TPMT: variants seen among roughly 807,000 people sequenced by gnomAD.
TPMT encodes the protein thiopurine S-methyltransferase.
A neutral mutation model predicts 34.2 loss-of-function variants in TPMT; 18 were observed. The observed-to-expected ratio is 0.53, with a 90% CI of 0.36 to 0.78. The LOEUF (loss-of-function observed/expected upper bound fraction) is 0.78, where lower values mean the gene tolerates loss of function less well. Among genes scored for constraint, TPMT ranks in the 30% least tolerant of loss-of-function variants. TPMT has a pLI of 0.00. For missense variants in TPMT, 265 were observed against 288.1 expected (o/e 0.92, Z 0.58); for synonymous variants, 69 against 92.4 (o/e 0.75, Z 1.45).
At chr6:18,155,136 C>T (rs1784472987), upstream of TPMT, 1 of 8,296 alleles carries the variant, frequency 1.2e-4, no homozygotes, top group Non-Finnish European at 3.8e-4. The surrounding 1 kb of genome is among the most constrained non-coding windows in gnomAD (Gnocchi z 6.2). Flanking sequence ...CGCCCCGCCT[C>T]CGCCCGCGCC....
rs1783920415 is a variant in TPMT, at chr6:18,130,496, A to G, written c.*172T>C. On this transcript the variant is annotated 3_prime_UTR_variant, in exon 9 of 9. Coordinates refer to ENST00000309983, the MANE Select transcript of TPMT (RefSeq NM_000367.5). This position sits in a 1 kb window ranked among gnomAD's most constrained non-coding sequence, Gnocchi z 4.2. Reference sequence around the variant, plus strand: ...AAGTTTAGTTACATCTTTTTCTTCTAAAACTTTTTTAGAAAAAGTAAATGG... The same window carrying G: ...AAGTTTAGTTACATCTTTTTCTTCTGAAACTTTTTTAGAAAAAGTAAATGG... The G allele has an allele frequency of 1.7e-6, 1 of 573,220 alleles. No individual in the cohort carries two copies. The highest frequency in any genetic ancestry group is 1.9e-5 in the African/African-American group (1 of 53,058). 35.5% of individuals were successfully genotyped at this position (573,220 alleles called of 1,614,324 possible). A position where few individuals can be genotyped will look rare whatever the true frequency, so the allele number is the denominator to read the frequency against.
Position 18,153,848 on chromosome 6 carries a change from C to T in TPMT, c.-45+1185G>A, listed in dbSNP as rs755864288. On this transcript the variant is annotated intron_variant, in intron 1 of 8. Transcript: ENST00000309983. This position sits in a 1 kb window ranked among gnomAD's most constrained non-coding sequence, Gnocchi z 4.2. Reference sequence around the variant, plus strand: ...ATCTTTATCAGAGTTCCACAGCAGCCTGGAGTAGCACAACTCTATTCCTTT... The same window carrying T: ...ATCTTTATCAGAGTTCCACAGCAGCTTGGAGTAGCACAACTCTATTCCTTT... Among the ~76,000 whole-genome samples, 8 of 152,220 alleles carry T rather than the reference C, an allele frequency of 5.3e-5. No homozygotes were observed. The highest frequency in any genetic ancestry group is 1.2e-4 in the Non-Finnish European group (8 of 68,044).
intron 6 of TPMT, among the ~76,000 whole-genome samples, chr6:18,137,023 G>A (rs1784053845): frequency 6.6e-6 from 1 of 152,096 alleles, no homozygotes; most frequent in Non-Finnish European, 1.5e-5. Context: ...AAATTAAGAT[G>A]CGGCATGGTC....
intron 4 of TPMT, among the ~76,000 whole-genome samples, chr6:18,142,284 C>T (rs1056923506): frequency 2.6e-5 from 4 of 151,968 alleles, no homozygotes; most frequent in Non-Finnish European, 4.4e-5. Flanking sequence ...CACAAGACGA[C>T]GAACCTGGGG....
In TPMT at chr6:18,130,724, T is replaced by A. The variant is rs1783924679; in HGVS notation, c.682A>T (p.Lys228Ter). Reference sequence around the variant, plus strand: ...AAAAGACAGTCAATTCCCCAACTTTTATGTCGTTCTTCAAAAGCATCAACC... The same window carrying A: ...AAAAGACAGTCAATTCCCCAACTTTAATGTCGTTCTTCAAAAGCATCAACC... ...EKVDAFEERH[K>*]SWGIDCLFEK... The change falls in exon 9 of 9, where the codon AAA becomes TAA. Residue 228 changes from lysine (K) to a stop codon, truncating the protein, a stop_gained. Coordinates refer to ENST00000309983, the MANE Select transcript of TPMT (RefSeq NM_000367.5). LOFTEE classifies it high-confidence loss of function. This position sits in a 1 kb window ranked among gnomAD's most constrained non-coding sequence, Gnocchi z 4.2. 4 of 1,613,522 alleles carry A rather than the reference T, an allele frequency of 2.5e-6. No homozygotes were observed. In the East Asian group the frequency reaches 8.9e-5, roughly 36 times the overall value.
chr6:18,133,554 G>C (rs988736211), intron 7 of TPMT, among the ~76,000 whole-genome samples: 1 of 152,078 alleles, frequency 6.6e-6, no homozygotes, highest in Non-Finnish European at 1.5e-5. Flanking sequence ...CCATTTCCCC[G>C]CTCTTCTCTA....
At position 18,140,778 on chromosome 6, in the gene TPMT, T is replaced by G. The variant is rs1312164784; in HGVS notation, c.367-1061A>C. On this transcript the variant is annotated intron_variant, in intron 4 of 8. Transcript: ENST00000309983. This position sits in a 1 kb window ranked among gnomAD's most constrained non-coding sequence, Gnocchi z 4.7. Reference sequence around the variant, plus strand: ...AAAAAAGAGGTGACTTTTGAAAGGGTGACACTCTAGGGTGTGGACTGGGGG... The same window carrying G: ...AAAAAAGAGGTGACTTTTGAAAGGGGGACACTCTAGGGTGTGGACTGGGGG... Among the ~76,000 whole-genome samples the G allele has an allele frequency of 6.6e-6, 1 of 151,866 alleles. No homozygotes were observed. The highest frequency in any genetic ancestry group is 2.4e-5 in the African/African-American group (1 of 41,306).
At chr6:18,151,635 GCT>G (rs1784356908) in intron 1 of TPMT, among the ~76,000 whole-genome samples, 1 of 150,452 alleles carries the variant, frequency 6.6e-6, no homozygotes, top group African/African-American at 2.4e-5. Context: ...GCAGGGTCTC[GCT>G]CTGTCACCCA....
Position 18,150,992 on chromosome 6 carries a change from G to A in TPMT, c.-44-1821C>T, listed in dbSNP as rs1158408867. On this transcript the variant is annotated intron_variant, in intron 1 of 8. Transcript: ENST00000309983. This position sits in a 1 kb window ranked among gnomAD's most constrained non-coding sequence, Gnocchi z 5.3. ...GCTTCCCAAAGTGCTGGGATTCCAGGCGTGGGCCACTGAGCCTGGCCATCC... is the reference window on the plus strand; with the variant it reads ...GCTTCCCAAAGTGCTGGGATTCCAGACGTGGGCCACTGAGCCTGGCCATCC... Among the ~76,000 whole-genome samples the A allele has an allele frequency of 6.6e-6, 1 of 152,180 alleles. No homozygotes were observed. The highest frequency in any genetic ancestry group is 6.5e-5 in the Admixed American group (1 of 15,272).
At chr6:18,133,467 C>T (rs953416445) in intron 7 of TPMT, among the ~76,000 whole-genome samples, 28 of 152,212 alleles carry the variant, frequency 1.8e-4, no homozygotes, top group Admixed American at 1.2e-3. Context: ...TTGGGTGATA[C>T]GGATATGCAA....
rs974182352 is a variant in TPMT, at chr6:18,128,401, C to A, written c.*2267G>T. 2.0e-5 allele frequency: 3 copies of A among 152,190 alleles called. No individual in the cohort carries two copies. Among genetic ancestry groups the A allele is most frequent in the African/African-American group, 4.8e-5 (2 of 41,450 alleles). 9.4% of individuals were successfully genotyped at this position (152,190 alleles called of 1,614,324 possible). A position where few individuals can be genotyped will look rare whatever the true frequency, so the allele number is the denominator to read the frequency against. On this transcript the variant is annotated 3_prime_UTR_variant, in exon 9 of 9. Coordinates refer to ENST00000309983, the MANE Select transcript of TPMT (RefSeq NM_000367.5). This position sits in a 1 kb window ranked among gnomAD's most constrained non-coding sequence, Gnocchi z 4.6. ...CTTGAGATTTTAGGAAGTCAGTATT[C>A]CCCAGTGAAGACACATATTACATAA... is the stretch of plus-strand genomic sequence containing the variant.
At position 18,145,617 on chromosome 6, in the gene TPMT, G is replaced by A. The variant is rs1582045648; in HGVS notation, c.234-1889C>T. On this transcript the variant is annotated intron_variant, in intron 3 of 8. Coordinates refer to ENST00000309983, the MANE Select transcript of TPMT (RefSeq NM_000367.5). This position sits in a 1 kb window ranked among gnomAD's most constrained non-coding sequence, Gnocchi z 5.6. Reference sequence around the variant, plus strand: ...TTTCAATGTGGGCAGAGCATGAACTGTTTAGTTGTAAAATGAAACATATAA... The same window carrying A: ...TTTCAATGTGGGCAGAGCATGAACTATTTAGTTGTAAAATGAAACATATAA... Among the ~76,000 whole-genome samples the A allele has an allele frequency of 6.6e-6, 1 of 152,214 alleles. No homozygotes were observed. Among genetic ancestry groups the A allele is most frequent in the Non-Finnish European group, 1.5e-5 (1 of 68,044 alleles).
At position 18,134,159 on chromosome 6, in the gene TPMT, G is replaced by C. The variant is rs548304171; in HGVS notation, c.495-270C>G. ...ATCAGAGCAGAAGACATTACATAAGGATGGGTAGAGACTCCTTCTGGCCTG... is the reference window on the plus strand; with the variant it reads ...ATCAGAGCAGAAGACATTACATAAGCATGGGTAGAGACTCCTTCTGGCCTG... On this transcript the variant is annotated intron_variant, in intron 6 of 8. Transcript: ENST00000309983. Among the ~76,000 whole-genome samples the C allele has an allele frequency of 2.0e-5, 3 of 152,318 alleles. No homozygotes were observed. In the East Asian group the frequency reaches 5.8e-4, roughly 29 times the overall value.
In TPMT at chr6:18,139,623, G is replaced by A. The variant is rs780630563; in HGVS notation, c.419+42C>T. ...CTCCCATGCCTGCACTGCCTGGCAAGCATTCAAATTTTTTAAAGTGCAGAT... is the reference window on the plus strand; with the variant it reads ...CTCCCATGCCTGCACTGCCTGGCAAACATTCAAATTTTTTAAAGTGCAGAT... On this transcript the variant is annotated intron_variant, in intron 5 of 8. Coordinates refer to ENST00000309983, the MANE Select transcript of TPMT (RefSeq NM_000367.5). This position sits in a 1 kb window ranked among gnomAD's most constrained non-coding sequence, Gnocchi z 4.2. 3 of 1,532,760 alleles carry A rather than the reference G, an allele frequency of 2.0e-6. No individual in the cohort carries two copies. Among genetic ancestry groups the A allele is most frequent in the Non-Finnish European group, 2.7e-6 (3 of 1,106,690 alleles). The allele number at this position is 1,532,760 out of a possible 1,614,324, so 94.9% of individuals were successfully genotyped here.
rs946114189 is a variant in TPMT at position 18,145,353 on chromosome 6, G to T, written c.234-1625C>A. Among the ~76,000 whole-genome samples, 3 of 152,160 alleles carry T rather than the reference G, an allele frequency of 2.0e-5. No individual in the cohort carries two copies. Among genetic ancestry groups the T allele is most frequent in the African/African-American group, 7.2e-5 (3 of 41,442 alleles). On this transcript the variant is annotated intron_variant, in intron 3 of 8. Transcript: ENST00000309983. The surrounding 1 kb of genome is among the most constrained non-coding windows in gnomAD (Gnocchi z 5.6). The stretch of plus-strand genomic sequence containing the variant: ...CACTTTACGGTGAAAAAGACCTAAT[G>T]CTCACTAAGGTAGCTGGGGGATGTT...
chr6:18,133,792 C>G lies in TPMT; in HGVS notation c.580+12G>C, dbSNP rs371469647. 3 of 1,526,052 alleles carry G rather than the reference C, an allele frequency of 2.0e-6. No homozygotes were observed. Among genetic ancestry groups the G allele is most frequent in the African/African-American group, 2.8e-5 (2 of 71,406 alleles). 94.5% of individuals were successfully genotyped at this position (1,526,052 alleles called of 1,614,324 possible). A position where few individuals can be genotyped will look rare whatever the true frequency, so the allele number is the denominator to read the frequency against. On this transcript the variant is annotated intron_variant, in intron 7 of 8. Coordinates refer to ENST00000309983, the MANE Select transcript of TPMT (RefSeq NM_000367.5). Reference sequence around the variant, plus strand: ...ACTGGTAAAAGAAAAAAAAAAAACCCAACAACTTTACCTGGATGTTTAGTT... The same window carrying G: ...ACTGGTAAAAGAAAAAAAAAAAACCGAACAACTTTACCTGGATGTTTAGTT...
Position 18,136,223 on chromosome 6 carries a change from A to G in TPMT, c.495-2334T>C, listed in dbSNP as rs746327856. On this transcript the variant is annotated intron_variant, in intron 6 of 8. Coordinates refer to ENST00000309983, the MANE Select transcript of TPMT (RefSeq NM_000367.5). This position sits in a 1 kb window ranked among gnomAD's most constrained non-coding sequence, Gnocchi z 4.7. ...CACCTACAAATTTAGACATTAGCAG[A>G]TGGGGTTTCATATACAAATGTGTCT... Among the ~76,000 whole-genome samples, 1 of 151,968 alleles carries G rather than the reference A, an allele frequency of 6.6e-6. No homozygotes were observed. Among genetic ancestry groups the G allele is most frequent in the African/African-American group, 2.4e-5 (1 of 41,394 alleles).
In TPMT at chr6:18,145,004, G is replaced by T. The variant is rs891866708; in HGVS notation, c.234-1276C>A. Among the ~76,000 whole-genome samples, 4 of 152,264 alleles carry T rather than the reference G, an allele frequency of 2.6e-5. No individual in the cohort carries two copies. The highest frequency in any genetic ancestry group is 9.6e-5 in the African/African-American group (4 of 41,556). The stretch of plus-strand genomic sequence containing the variant: ...CCAAAGTGCTGGGATTACAGTCCTG[G>T]TAAGTTTTATAATGAACAGAATTCA... On this transcript the variant is annotated intron_variant, in intron 3 of 8. Transcript: ENST00000309983. The surrounding 1 kb of genome is among the most constrained non-coding windows in gnomAD (Gnocchi z 5.6).
At position 18,128,445 on chromosome 6, in the gene TPMT, A is replaced by G. The variant is rs543657302; in HGVS notation, c.*2223T>C. 1.8e-4 allele frequency: 27 copies of G among 152,338 alleles called. No individual in the cohort carries two copies. Among genetic ancestry groups the G allele is most frequent in the African/African-American group, 6.0e-4 (25 of 41,584 alleles). 9.4% of individuals were successfully genotyped at this position (152,338 alleles called of 1,614,324 possible). On this transcript the variant is annotated 3_prime_UTR_variant, in exon 9 of 9. Coordinates refer to ENST00000309983, the MANE Select transcript of TPMT (RefSeq NM_000367.5). The surrounding 1 kb of genome is among the most constrained non-coding windows in gnomAD (Gnocchi z 4.6). ...TACATAAATGATCAACTACCTAAGG[A>G]TATCTCATTTGTATTTAAGATTCTT...
Sources: gnomAD v4.1 joint callset for allele counts (sites outside exome capture counted in the v4.1 genomes callset) on GRCh38, gnomAD v4.1.1 for gene constraint, Gnocchi (gnomAD v3.1) non-coding constraint, MANE v1.5 for transcripts, NCBI Gene and HGNC (gene_info 2026-07-23, HGNC 2026-07-21) for gene names.